The following MECOM variants were observed in gnomAD, a reference collection of about 807,000 sequenced individuals.
The protein encoded by MECOM is histone-lysine N-methyltransferase MECOM.
MECOM carries 13 observed loss-of-function variants against 116.3 expected under a neutral mutation model. The observed-to-expected ratio is 0.11, with a 90% CI of 0.07 to 0.18. The LOEUF is 0.18. MECOM is among the 10% of genes least tolerant of loss of function. MECOM has a pLI of 1.00. For synonymous variants in MECOM, 528 were observed against 535.2 expected (o/e 0.99, Z 0.19); for missense variants, 1,299 against 1,509.0 (o/e 0.86, Z 2.31).
At chr3:169,333,888 C>CCTTCTCTCCTTCCTTT (rs775956638) in intron 2 of MECOM, among the ~76,000 whole-genome samples, 2,097 of 148,038 alleles carry the variant, frequency 0.014, 27 homozygotes, top group East Asian at 0.067. Flanking sequence ...CTCCTTCCTT[C>CCTTCTCTCCTTCCTTT]CTTCCTTCCT....
At chr3:169,185,140 C>T (rs77124506) in intron 2 of MECOM, among the ~76,000 whole-genome samples, 2,868 of 152,136 alleles carry the variant, frequency 0.019, 91 homozygotes, top group African/African-American at 0.065. Context: ...AGGTTTAGAG[C>T]CTACGATAAT....
intron 2 of MECOM, among the ~76,000 whole-genome samples, chr3:169,229,641 C>G (rs1753141183): frequency 6.6e-6 from 1 of 152,020 alleles, no homozygotes; most frequent in African/African-American, 2.4e-5. Context: ...TCCTGCAGGT[C>G]ATTTTTAAAA....
At chr3:169,577,967 A>C (rs16854109) in intron 1 of MECOM, among the ~76,000 whole-genome samples, 35,550 of 152,002 alleles carry the variant, frequency 0.23, 5,019 homozygotes, top group East Asian at 0.7. Context: ...TTGACCATGC[A>C]TTCCTTAGAC....
At chr3:169,477,103 GTGTATATATATATATATA>G (rs1301320748) in intron 1 of MECOM, 5 of 56,286 alleles carry the variant, frequency 8.9e-5, no homozygotes, top group African/African-American at 4.3e-4. Context: ...GTGTGTGTGT[GTGTATATATATATATATA>G]TATATATATA....
chr3:169,280,063 C>T (rs561135321), intron 2 of MECOM, among the ~76,000 whole-genome samples: 1 of 152,302 alleles, frequency 6.6e-6, no homozygotes, highest in East Asian at 1.9e-4. Context: ...GGCCAGCTAA[C>T]ATTATCAGTC....
intron 2 of MECOM, among the ~76,000 whole-genome samples, chr3:169,363,264 G>A (rs577228386): frequency 6.6e-6 from 1 of 151,942 alleles, no homozygotes; most frequent in African/African-American, 2.4e-5. Flanking sequence ...AATGTATTTG[G>A]TCCAAAGCCC....
At chr3:169,503,313 G>A (rs982022953) in intron 1 of MECOM, among the ~76,000 whole-genome samples, 8 of 152,072 alleles carry the variant, frequency 5.3e-5, no homozygotes, top group South Asian at 2.1e-4. Context: ...CAAAGAAAAC[G>A]TTGGTGAAAC....
At chr3:169,430,280 A>T (rs530257545) in intron 1 of MECOM, among the ~76,000 whole-genome samples, 23 of 152,276 alleles carry the variant, frequency 1.5e-4, no homozygotes, top group South Asian at 8.3e-4. Context: ...GCTGCATCCT[A>T]TGTTATATCA....
At chr3:169,519,031 G>A (rs1301049106) in intron 1 of MECOM, among the ~76,000 whole-genome samples, 1 of 152,134 alleles carries the variant, frequency 6.6e-6, no homozygotes, top group Non-Finnish European at 1.5e-5. Context: ...CATGAAAAAG[G>A]ACTAATACAA....
chr3:169,109,405 G>A (rs141967549), intron 9 of MECOM, among the ~76,000 whole-genome samples: 2 of 144,670 alleles, frequency 1.4e-5, no homozygotes, highest in Admixed American at 1.5e-4. Context: ...TTTGATGTAT[G>A]CATTCATGTA....
intron 1 of MECOM, among the ~76,000 whole-genome samples, chr3:169,550,310 A>G (rs933221703): frequency 6.6e-6 from 1 of 152,194 alleles, no homozygotes; most frequent in Non-Finnish European, 1.5e-5. Flanking sequence ...AGGCTCCTGA[A>G]AGGTTAAAGG....
intron 1 of MECOM, among the ~76,000 whole-genome samples, chr3:169,589,792 C>A (rs371789997): frequency 9.9e-5 from 15 of 152,262 alleles, no homozygotes; most frequent in African/African-American, 3.6e-4. Context: ...TATCTATCTG[C>A]CTACAAACCT....
At position 169,089,148 on chromosome 3, in the gene MECOM, G is replaced by A. The variant is rs1475143066; in HGVS notation, c.3437C>T (p.Ala1146Val). 3 of 1,567,250 alleles carry A rather than the reference G, an allele frequency of 1.9e-6. No individual in the cohort carries two copies. The highest frequency in any genetic ancestry group is 2.0e-5 in the Admixed American group (1 of 50,346). Residue 1146 changes from alanine to valine, a missense_variant, in exon 16 of 17, where the codon GCT becomes GTT. By Grantham distance (64) the Ala-to-Val change is moderately conservative. Transcript: ENST00000651503. ...TGTGAAGTGCCTTATATGATCTAGA[G>A]CAGAAAGTCCACTTTTATATTCTTC... ...KEEEYKSGLS[A>V]LDHIRHFTDS... is the part of the protein sequence containing the mutation.
chr3:169,329,573 C>T (rs1722401015), intron 2 of MECOM, among the ~76,000 whole-genome samples: 3 of 152,186 alleles, frequency 2.0e-5, no homozygotes, highest in Non-Finnish European at 4.4e-5. Context: ...CTGAATGAAG[C>T]CATCTAACTC....
Position 169,514,263 on chromosome 3 carries a change from A to G in MECOM, c.38-132739T>C, listed in dbSNP as rs16847824. On this transcript the variant is annotated intron_variant, in intron 1 of 16. Coordinates refer to ENST00000651503, the MANE Select transcript of MECOM (RefSeq NM_004991.4). Reference sequence around the variant, plus strand: ...TTTCTAAGTAGGAAAAGACACACTAACACAAGCAACATTTTTACAGTTCTT... The same window carrying G: ...TTTCTAAGTAGGAAAAGACACACTAGCACAAGCAACATTTTTACAGTTCTT... Among the ~76,000 whole-genome samples the G allele has an allele frequency of 8.4e-3, 1,275 of 151,862 alleles. 15 individuals carry two copies. The highest frequency in any genetic ancestry group is 0.026 in the South Asian group (123 of 4,812).
intron 2 of MECOM, among the ~76,000 whole-genome samples, chr3:169,194,570 A>G (rs1320298690): frequency 6.6e-6 from 1 of 152,064 alleles, no homozygotes; most frequent in Non-Finnish European, 1.5e-5. Flanking sequence ...ATGCATGACT[A>G]TATTTTTTCC....
At chr3:169,420,803 G>A (rs1187692675) in intron 1 of MECOM, among the ~76,000 whole-genome samples, 1 of 152,148 alleles carries the variant, frequency 6.6e-6, no homozygotes, top group Non-Finnish European at 1.5e-5. Flanking sequence ...GGTCACTAAA[G>A]TGTTATTGAA....
At chr3:169,115,115 C>G (rs1728725527) in intron 8 of MECOM, among the ~76,000 whole-genome samples, 1 of 151,982 alleles carries the variant, frequency 6.6e-6, no homozygotes, top group African/African-American at 2.4e-5. Flanking sequence ...ATTTTCCACT[C>G]CAAAAAAAGT....
intron 1 of MECOM, among the ~76,000 whole-genome samples, chr3:169,416,640 C>A (rs1738646921): frequency 6.6e-6 from 1 of 150,792 alleles, no homozygotes; most frequent in Non-Finnish European, 1.5e-5. Context: ...TCTAGCTAGA[C>A]TAATAAGGAA....
Sources: gnomAD v4.1 joint callset for allele counts (sites outside exome capture counted in the v4.1 genomes callset) on GRCh38, gnomAD v4.1.1 for gene constraint, MANE v1.5 for transcripts, NCBI Gene and HGNC (gene_info 2026-07-23, HGNC 2026-07-21) for gene names.